The following RAPGEF5 variants were observed in gnomAD, a reference collection of about 807,000 sequenced individuals.
RAPGEF5 encodes the protein Rap guanine nucleotide exchange factor 5.
Under a neutral mutation model 125.2 loss-of-function variants are expected in RAPGEF5, and 65 were observed. The observed-to-expected ratio is 0.52, with a 90% CI of 0.43 to 0.64. RAPGEF5 has a LOEUF of 0.64. Ranked by LOEUF, RAPGEF5 falls within the 30% of genes least tolerant of loss-of-function variation. RAPGEF5 has a pLI of 0.00. For missense variants in RAPGEF5, 958 were observed against 1,048.1 expected (o/e 0.91, Z 1.19); for synonymous variants, 391 against 385.9 (o/e 1.01, Z -0.16).
chr7:22,231,133 G>A (rs1451880890), intron 7 of RAPGEF5, among the ~76,000 whole-genome samples: 1 of 152,208 alleles, frequency 6.6e-6, no homozygotes, highest in African/African-American at 2.4e-5. Context: ...CAATGGCAGT[G>A]AGAAAATTCA....
chr7:22,144,788 G>A (rs1388033166), intron 20 of RAPGEF5, among the ~76,000 whole-genome samples: 6 of 152,122 alleles, frequency 3.9e-5, no homozygotes, highest in Non-Finnish European at 7.3e-5. Context: ...AAGGATGTGT[G>A]TACTGCCTGC....
chr7:22,161,358 C>G (rs1039454678), intron 13 of RAPGEF5, among the ~76,000 whole-genome samples: 2 of 151,996 alleles, frequency 1.3e-5, no homozygotes, highest in Admixed American at 6.6e-5. Flanking sequence ...GGCAACAAAG[C>G]AAGACTCTAT....
intron 2 of RAPGEF5, among the ~76,000 whole-genome samples, chr7:22,316,969 A>G (rs181410358): frequency 5.9e-5 from 9 of 151,934 alleles, no homozygotes; most frequent in Admixed American, 5.2e-4. Flanking sequence ...AACATGTTAA[A>G]ACTATTTAAA....
intron 1 of RAPGEF5, among the ~76,000 whole-genome samples, chr7:22,342,625 T>C (rs1784150064): frequency 6.6e-6 from 1 of 152,242 alleles, no homozygotes; most frequent in Admixed American, 6.5e-5. Context: ...TCTTGAATGC[T>C]TTGCTGCTTA....
At chr7:22,269,265 A>G (rs1782361046) in intron 6 of RAPGEF5, among the ~76,000 whole-genome samples, 1 of 151,764 alleles carries the variant, frequency 6.6e-6, no homozygotes, top group African/African-American at 2.4e-5. Flanking sequence ...CAAGCAGACC[A>G]CACACTGGGT....
chr7:22,302,159 T>G (rs1783222415), intron 5 of RAPGEF5, among the ~76,000 whole-genome samples: 1 of 152,254 alleles, frequency 6.6e-6, no homozygotes, highest in Non-Finnish European at 1.5e-5. Flanking sequence ...TCCACGATCT[T>G]GTAATCCCTT....
At chr7:22,237,067 CA>C (rs34948377) in intron 7 of RAPGEF5, among the ~76,000 whole-genome samples, 14,783 of 152,224 alleles carry the variant, frequency 0.097, 808 homozygotes, top group African/African-American at 0.11. Context: ...CTGCCTTCAC[CA>C]GGTGAAATTA....
At chr7:22,302,502 C>A (rs1205936386) in intron 5 of RAPGEF5, among the ~76,000 whole-genome samples, 1 of 152,118 alleles carries the variant, frequency 6.6e-6, no homozygotes, top group Non-Finnish European at 1.5e-5. Flanking sequence ...AGTTATATCT[C>A]AGGGGCACAA....
At chr7:22,331,528 G>C (rs933967799) in intron 1 of RAPGEF5, among the ~76,000 whole-genome samples, 1 of 152,030 alleles carries the variant, frequency 6.6e-6, no homozygotes, top group Non-Finnish European at 1.5e-5. Context: ...GGCGGATCAC[G>C]AGGTCAGGAG....
At chr7:22,197,900 G>GT (rs1554327469) in intron 9 of RAPGEF5, among the ~76,000 whole-genome samples, 3 of 145,042 alleles carry the variant, frequency 2.1e-5, no homozygotes, top group Admixed American at 6.8e-5. Flanking sequence ...TTTTGGGGGG[G>GT]GGTGGTAGGA....
At chr7:22,290,687 G>A (rs1020793967) in intron 6 of RAPGEF5, among the ~76,000 whole-genome samples, 3 of 147,768 alleles carry the variant, frequency 2.0e-5, no homozygotes, top group Non-Finnish European at 4.5e-5. Context: ...GGAGCTTGCA[G>A]TGAGCCGAGA....
chr7:22,171,441 T>G (rs889967790), intron 11 of RAPGEF5, among the ~76,000 whole-genome samples: 12 of 152,390 alleles, frequency 7.9e-5, no homozygotes, highest in Admixed American at 7.2e-4. Context: ...TTTCTAACTT[T>G]GTGAATACCT....
At chr7:22,127,580 C>T (rs1382734991) in intron 24 of RAPGEF5, among the ~76,000 whole-genome samples, 1 of 152,224 alleles carries the variant, frequency 6.6e-6, no homozygotes, top group Admixed American at 6.5e-5. Flanking sequence ...TCTTCATGTT[C>T]TAGTTCTCTT....
At chr7:22,144,932 C>T in intron 20 of RAPGEF5, 112 bp downstream of exon 20, 1 of 1,225,996 alleles carries the variant, frequency 8.2e-7, no homozygotes, top group Non-Finnish European at 1.1e-6. Context: ...CATTTAACTC[C>T]ATATTACACG....
Position 22,308,447 on chromosome 7 carries a change from C to T in RAPGEF5, c.572G>A (p.Cys191Tyr), listed in dbSNP as rs1440333614. The stretch of plus-strand genomic sequence containing the variant: ...TTCAAATTCACAGTACAAGTAGCTA[C>T]ATTCATCAGAGGAAAACTGGTAGAA... ...YVFYQFSSDE[C>Y]SYLYCEFERE... is the part of the protein sequence containing the mutation. Residue 191 changes from cysteine to tyrosine, a missense_variant, in exon 5 of 26, where the codon TGT (cysteine) becomes TAT (tyrosine). Physicochemically the swap from Cys to Tyr is radical, Grantham distance 194 (BLOSUM62 -2). Coordinates refer to ENST00000665637, the MANE Select transcript of RAPGEF5 (RefSeq NM_012294.5). 2 of 1,576,488 alleles carry T rather than the reference C, an allele frequency of 1.3e-6. No homozygotes were observed. Among genetic ancestry groups the T allele is most frequent in the East Asian group, 2.3e-5 (1 of 43,564 alleles).
chr7:22,298,328 C>T (rs1783114345), intron 5 of RAPGEF5, among the ~76,000 whole-genome samples: 1 of 152,008 alleles, frequency 6.6e-6, no homozygotes, highest in African/African-American at 2.4e-5. Context: ...CAGCCATGCA[C>T]CACCACGCCT....
At chr7:22,131,260 T>C (rs1380724448) in intron 23 of RAPGEF5, among the ~76,000 whole-genome samples, 159 bp from the exon 24 acceptor site, 1 of 152,214 alleles carries the variant, frequency 6.6e-6, no homozygotes, top group Non-Finnish European at 1.5e-5. Context: ...TTATGTGTTA[T>C]TTGATGTAAA....
intron 9 of RAPGEF5, among the ~76,000 whole-genome samples, chr7:22,196,792 A>G (rs887981217): frequency 7.9e-5 from 12 of 152,322 alleles, no homozygotes; most frequent in South Asian, 2.1e-4. Context: ...GTTTCGTACT[A>G]AGACAGCCTG....
At chr7:22,323,622 A>C (rs934654264) in intron 1 of RAPGEF5, among the ~76,000 whole-genome samples, 1 of 152,220 alleles carries the variant, frequency 6.6e-6, no homozygotes, top group South Asian at 2.1e-4. Context: ...ACTTATCTCC[A>C]CTTGTCACTG....
Sources: allele counts gnomAD v4.1 joint callset (sites outside exome capture counted in the v4.1 genomes callset), GRCh38; gene constraint gnomAD v4.1.1; transcripts MANE v1.5; gene names NCBI Gene and HGNC (gene_info 2026-07-23, HGNC 2026-07-21).